Variants in DOCK2 observed in about 807,000 individuals in gnomAD.
DOCK2 encodes the protein dedicator of cytokinesis 2.
DOCK2 carries 87 observed loss-of-function variants against 248.9 expected under a neutral mutation model. The observed-to-expected ratio is 0.35, with a 90% confidence interval of 0.29 to 0.42. The LOEUF (loss-of-function observed/expected upper bound fraction) is 0.42. DOCK2 is among the 10% of genes least tolerant of loss of function. The pLI, the probability that DOCK2 is intolerant of heterozygous loss-of-function variation, is 1.00. For synonymous variants in DOCK2, 805 were observed against 821.6 expected (o/e 0.98, Z 0.35); for missense variants, 1,747 against 2,300.2 (o/e 0.76, Z 4.92).
At chr5:169,713,440 A>G (rs1340099100) in intron 17 of DOCK2, among the ~76,000 whole-genome samples, 1 of 152,014 alleles carries the variant, frequency 6.6e-6, no homozygotes, top group African/African-American at 2.4e-5. Context: ...TTAACATGCC[A>G]CTCATTTATG....
chr5:169,750,298 G>T (rs115005436), intron 23 of DOCK2, among the ~76,000 whole-genome samples: 35 of 152,200 alleles, frequency 2.3e-4, no homozygotes, highest in African/African-American at 7.7e-4. Flanking sequence ...CAGTAAGAAG[G>T]CAGGGAAAGA....
chr5:169,788,064 G>A (rs1766098656), intron 25 of DOCK2, among the ~76,000 whole-genome samples: 1 of 152,064 alleles, frequency 6.6e-6, no homozygotes, highest in African/African-American at 2.4e-5. Flanking sequence ...CTCGTTTTGA[G>A]TGTCTTATAG....
chr5:169,908,713 C>CTTTTTTTTTTTTTTTTT (rs34261104), intron 27 of DOCK2, among the ~76,000 whole-genome samples: 1 of 105,074 alleles, frequency 9.5e-6, no homozygotes. Context: ...TTTCTTTTTT[C>CTTTTTTTTTTTTTTTTT]TTTTTTTTTT....
At chr5:169,672,572 T>C (rs958974618) in intron 5 of DOCK2, among the ~76,000 whole-genome samples, 2 of 152,122 alleles carry the variant, frequency 1.3e-5, no homozygotes, top group Non-Finnish European at 2.9e-5. Flanking sequence ...ATTCCAGCAG[T>C]TCTTGATTCC....
chr5:169,885,410 G>C (rs191360529), intron 27 of DOCK2, among the ~76,000 whole-genome samples: 16 of 152,278 alleles, frequency 1.1e-4, no homozygotes, highest in Non-Finnish European at 2.9e-5. Flanking sequence ...GAGAGCCTGG[G>C]CATGAAGAGG....
rs774799020 is a variant in DOCK2 at position 169,702,383 on chromosome 5, G to T, written c.1339G>T (p.Glu447Ter). 6.2e-7 allele frequency: 1 copy of T among 1,614,010 alleles called. No individual in the cohort carries two copies. The highest frequency in any genetic ancestry group is 8.5e-7 in the Non-Finnish European group (1 of 1,179,920). Reference protein sequence around the residue: ...KYNKTTQRNVEVIMCVCAEDG... With the variant: ...KYNKTTQRNV ...CAACAAGACCACACAGAGGAATGTG[G>T]AAGTCATCATGTGTGTGTGCGCGGA... The change falls in exon 14 of 52, where the codon GAA becomes TAA. Residue 447 changes from glutamate (E) to a stop codon, truncating the protein, a stop_gained. Transcript: ENST00000520908. LOFTEE classifies it high-confidence loss of function.
chr5:169,792,275 G>A (rs149258993), intron 25 of DOCK2, among the ~76,000 whole-genome samples: 11 of 152,082 alleles, frequency 7.2e-5, no homozygotes, highest in African/African-American at 2.4e-4. Context: ...TAGTCACAAC[G>A]TTACTGGACT....
rs150549690 is a variant in DOCK2, at chr5:169,885,094, G to A, written c.2799+44242G>A. On this transcript the variant is annotated intron_variant, in intron 27 of 51. Transcript: ENST00000520908. ...CAGTCAAGTCCCAGCAATTTCTCAGGCAGCCTTTACAATGTCTCCCTCTTA... is the reference window on the plus strand; with the variant it reads ...CAGTCAAGTCCCAGCAATTTCTCAGACAGCCTTTACAATGTCTCCCTCTTA... Among the ~76,000 whole-genome samples the A allele has an allele frequency of 4.2e-3, 638 of 152,234 alleles. 6 individuals carry two copies. The highest frequency in any genetic ancestry group is 0.014 in the African/African-American group (602 of 41,518).
intron 27 of DOCK2, chr5:169,980,828 T>G (rs1478818860): frequency 6.6e-6 from 1 of 152,244 alleles, no homozygotes; most frequent in Non-Finnish European, 1.5e-5. Context: ...AAAAAGAATT[T>G]GACTCTGGCT....
chr5:169,837,648 T>G (rs1027238863), intron 26 of DOCK2, among the ~76,000 whole-genome samples: 1 of 152,134 alleles, frequency 6.6e-6, no homozygotes, highest in African/African-American at 2.4e-5. Context: ...ACCAGTAACT[T>G]TGAGGTTACT....
intron 22 of DOCK2, among the ~76,000 whole-genome samples, chr5:169,734,287 A>G (rs1168398533): frequency 6.6e-6 from 1 of 152,058 alleles, no homozygotes; most frequent in African/African-American, 2.4e-5. Context: ...ATTTTCAAGC[A>G]TCTTTTTAAT....
intron 14 of DOCK2, among the ~76,000 whole-genome samples, chr5:169,705,085 C>T (rs1306076974): frequency 6.6e-6 from 1 of 152,056 alleles, no homozygotes; most frequent in Non-Finnish European, 1.5e-5. Flanking sequence ...TTGCTTGAAC[C>T]CTGGAGGCAG....
intron 23 of DOCK2, among the ~76,000 whole-genome samples, chr5:169,752,433 CTGAA>C (rs997769639): frequency 2.0e-5 from 3 of 152,048 alleles, no homozygotes; most frequent in African/African-American, 4.8e-5. Context: ...TATCTACTGT[CTGAA>C]TGAATGAATG....
At chr5:169,998,143 C>T (rs893877500) in intron 30 of DOCK2, 2 of 431,296 alleles carry the variant, frequency 4.6e-6, no homozygotes, top group Non-Finnish European at 9.2e-6. Flanking sequence ...CATGTGGCTT[C>T]CTGGAGTCTC....
chr5:169,935,780 G>C (rs565431036), intron 27 of DOCK2, among the ~76,000 whole-genome samples: 3 of 152,128 alleles, frequency 2.0e-5, no homozygotes, highest in African/African-American at 7.2e-5. Context: ...GAAAAAACGC[G>C]TTGTGTAAAA....
At chr5:169,914,331 T>A (rs139060036) in intron 27 of DOCK2, among the ~76,000 whole-genome samples, 1 of 152,346 alleles carries the variant, frequency 6.6e-6, no homozygotes, top group Non-Finnish European at 1.5e-5. Flanking sequence ...TTCCTAAACC[T>A]TTCTTTGGTT....
rs1581210943 is a variant in DOCK2, at chr5:169,802,628, G to A, written c.2555-430G>A. ...GTAATATATACATCATGGTCCCCTTGTATAAAATGGAAACAAAGCCAAAAT... is the reference window on the plus strand; with the variant it reads ...GTAATATATACATCATGGTCCCCTTATATAAAATGGAAACAAAGCCAAAAT... On this transcript the variant is annotated intron_variant, in intron 25 of 51. Transcript: ENST00000520908. 2.6e-5 allele frequency among the ~76,000 whole-genome samples: 4 copies of A among 152,038 alleles called. No individual in the cohort carries two copies. The East Asian group carries it at 7.7e-4, about 29-fold the overall frequency.
At chr5:169,752,882 TGGTG>T (rs1763976237) in intron 23 of DOCK2, among the ~76,000 whole-genome samples, 1 of 151,986 alleles carries the variant, frequency 6.6e-6, no homozygotes. Flanking sequence ...CTGGCCAACA[TGGTG>T]AAATCTCGCC....
intron 27 of DOCK2, chr5:169,864,252 T>TG: frequency 1.3e-6 from 2 of 1,549,302 alleles, no homozygotes; most frequent in Admixed American, 2.0e-5. Flanking sequence ...GTTGGGGGGC[T>TG]GGGGGATGGT....
Sources: allele counts gnomAD v4.1 joint callset (sites outside exome capture counted in the v4.1 genomes callset), GRCh38; gene constraint gnomAD v4.1.1; transcripts MANE v1.5; gene names NCBI Gene and HGNC (gene_info 2026-07-23, HGNC 2026-07-21).